Variants in POM121C observed in about 807,000 individuals in gnomAD.
POM121C encodes POM121 transmembrane nucleoporin C.
In POM121C, 20 loss-of-function variants were observed where a neutral mutation model predicts 66.4. The observed-to-expected ratio is 0.30, with a 90% confidence interval of 0.21 to 0.44. The LOEUF is 0.44. POM121C is among the 20% of genes least tolerant of loss of function. The pLI is 1.00. For synonymous variants in POM121C, 286 were observed against 528.0 expected, an observed-to-expected ratio of 0.54 and a Z score of 6.28; for missense variants, 580 against 1,225.7, an observed-to-expected ratio of 0.47 and a Z score of 7.87.
At chr7:75,455,012 T>C (rs1158898286) in intron 3 of POM121C, among the ~76,000 whole-genome samples, 2 of 152,208 alleles carry the variant, frequency 1.3e-5, no homozygotes, top group African/African-American at 4.8e-5. Flanking sequence ...TTCAAATAAA[T>C]GCTGTGTATC....
At chr7:75,472,822 A>AAGGGAGGG (rs1215997484) in intron 3 of POM121C, among the ~76,000 whole-genome samples, 1 of 147,122 alleles carries the variant, frequency 6.8e-6, no homozygotes, top group East Asian at 2.0e-4. Flanking sequence ...GGAAGGAAGG[A>AAGGGAGGG]AGGGAGGGAG....
At chr7:75,477,580 T>A (rs1259575098) in intron 1 of POM121C, among the ~76,000 whole-genome samples, 2 of 151,926 alleles carry the variant, frequency 1.3e-5, no homozygotes, top group African/African-American at 4.8e-5. Flanking sequence ...ACAGTTCATA[T>A]GAGGTGGAAG....
Position 75,474,862 on chromosome 7 carries a change from A to T in POM121C, c.-310T>A. 2 of 1,240,748 alleles carry T rather than the reference A, an allele frequency of 1.6e-6. No homozygotes were observed. Among genetic ancestry groups the T allele is most frequent in the Non-Finnish European group, 2.3e-6 (2 of 860,234 alleles). The allele number at this position is 1,240,748 out of a possible 1,614,324, so 76.9% of individuals were successfully genotyped here. The stretch of plus-strand genomic sequence containing the variant: ...CTCGGCTTCAGAATCTCCGAAGTAC[A>T]AGATGTTGCCACCTCATAAGCTGCA... On this transcript the variant is annotated 5_prime_UTR_variant, in exon 3 of 15. Transcript: ENST00000615331.
chr7:75,482,314 A>G (rs117130070), intron 1 of POM121C, among the ~76,000 whole-genome samples: 2,116 of 152,286 alleles, frequency 0.014, 23 homozygotes, highest in Middle Eastern at 0.051. Flanking sequence ...GGTGGCTTAC[A>G]CCTGTAATCC....
intron 3 of POM121C, among the ~76,000 whole-genome samples, chr7:75,465,226 C>A (rs1309725236): frequency 6.6e-6 from 1 of 151,912 alleles, no homozygotes; most frequent in East Asian, 2.0e-4. Context: ...AACTCCTGAC[C>A]TCAGGTGATC....
chr7:75,418,574 T>G lies in POM121C; in HGVS notation c.*222A>C. Reference sequence around the variant, plus strand: ...CCCAGTGGAACTGTTCAAGTAGAGGTCCCGGGCTTTGGCCCTCCGCATCCT... The same window carrying G: ...CCCAGTGGAACTGTTCAAGTAGAGGGCCCGGGCTTTGGCCCTCCGCATCCT... On this transcript the variant is annotated 3_prime_UTR_variant, in exon 15 of 15. Transcript: ENST00000615331. 1 of 1,351,060 alleles carries G rather than the reference T, an allele frequency of 7.4e-7. No homozygotes were observed. The highest frequency in any genetic ancestry group is 9.5e-7 in the Non-Finnish European group (1 of 1,048,052). The allele number at this position is 1,351,060 out of a possible 1,614,324, so 83.7% of individuals were successfully genotyped here.
rs1273557304 is a variant in POM121C, at chr7:75,421,844, AAGG to A, written c.2405_2407del (p.Ser802del). The A allele has an allele frequency of 9.3e-5, 149 of 1,610,556 alleles. No homozygotes were observed. Among genetic ancestry groups the A allele is most frequent in the Admixed American group, 5.2e-4 (31 of 59,874 alleles). On this transcript the variant is annotated inframe_deletion, in exon 13 of 15. Coordinates refer to ENST00000615331, the MANE Select transcript of POM121C (RefSeq NM_001099415.3). Reference sequence around the variant, plus strand: ...AAAGCCGGAGCTGGTGGCTGCACCGAAGGAGAAGACAGCAGTGGAGCCGCCAAA... The same window carrying A: ...AAAGCCGGAGCTGGTGGCTGCACCGAAGAAGACAGCAGTGGAGCCGCCAAA...
chr7:75,479,627 AT>A lies in POM121C; in HGVS notation c.-457-4440del, dbSNP rs1554479836. ...TGAGACTCTGTCTCTAAATAAATAA[AT>A]AAATAAATAAATAAATAAATAAATA... On this transcript the variant is annotated intron_variant, in intron 1 of 14. Coordinates refer to ENST00000615331, the MANE Select transcript of POM121C (RefSeq NM_001099415.3). Among the ~76,000 whole-genome samples, 10 of 146,536 alleles carry A rather than the reference AT, an allele frequency of 6.8e-5. No homozygotes were observed. The East Asian group carries it at 2.0e-3, about 29-fold the overall frequency.
chr7:75,443,497 T>G (rs587713699), intron 3 of POM121C, among the ~76,000 whole-genome samples: 41 of 151,902 alleles, frequency 2.7e-4, no homozygotes, highest in African/African-American at 9.7e-4. Context: ...CCTCAGACAT[T>G]CATTCATTGA....
At chr7:75,435,343 C>T (rs1584665406) in intron 7 of POM121C, among the ~76,000 whole-genome samples, 3 of 152,106 alleles carry the variant, frequency 2.0e-5, no homozygotes, top group Admixed American at 2.0e-4. Context: ...TTCAGATACA[C>T]TGATACGCAT....
intron 10 of POM121C, 160 bp downstream of exon 10, chr7:75,424,914 C>A (rs147425716): frequency 6.9e-7 from 1 of 1,451,866 alleles, no homozygotes; most frequent in Non-Finnish European, 9.1e-7. Context: ...TAGCCAAAAT[C>A]GAGCCACTGA....
At chr7:75,443,046 C>T (rs1309350915) in intron 3 of POM121C, among the ~76,000 whole-genome samples, 1 of 152,136 alleles carries the variant, frequency 6.6e-6, no homozygotes, top group Non-Finnish European at 1.5e-5. Flanking sequence ...GTGATCTTTT[C>T]TAGGGGCTGA....
chr7:75,439,588 G>A (rs1288798351), intron 5 of POM121C, among the ~76,000 whole-genome samples: 1 of 152,148 alleles, frequency 6.6e-6, no homozygotes, highest in African/African-American at 2.4e-5. Context: ...GGCTCCCTAT[G>A]TTGCCCAGGC....
chr7:75,481,705 A>G (rs1554480144), intron 1 of POM121C, among the ~76,000 whole-genome samples: 2 of 151,966 alleles, frequency 1.3e-5, no homozygotes, highest in Non-Finnish European at 2.9e-5. Context: ...ATATGACTAT[A>G]CTCCCAGCTA....
At position 75,477,811 on chromosome 7, in the gene POM121C, T is replaced by G. The variant is rs369799761; in HGVS notation, c.-457-2623A>C. Among the ~76,000 whole-genome samples the G allele has an allele frequency of 4.0e-5, 6 of 151,594 alleles. No individual in the cohort carries two copies. The East Asian group carries it at 1.2e-3, about 29-fold the overall frequency. On this transcript the variant is annotated intron_variant, in intron 1 of 14. Transcript: ENST00000615331. ...TAGAAAAAACATATAGACAGAGACA[T>G]GAGGACTTCTGCCCTCAGGTGTGAT... is the stretch of plus-strand genomic sequence containing the variant.
rs375806628 is a variant in POM121C at position 75,424,226 on chromosome 7, C to T, written c.872-1G>A. 30 of 1,611,782 alleles carry T rather than the reference C, an allele frequency of 1.9e-5. No homozygotes were observed. The highest frequency in any genetic ancestry group is 2.5e-5 in the Non-Finnish European group (29 of 1,179,848). ...TCAGTGACAGAGTTCGAGGCAGCAT[C>T]TAAGAAAGAAAGAAAGGTGAAGCAG... On this transcript the variant is annotated splice_acceptor_variant, in intron 11 of 14. Coordinates refer to ENST00000615331, the MANE Select transcript of POM121C (RefSeq NM_001099415.3). LOFTEE classifies it high-confidence loss of function.
chr7:75,443,377 G>A (rs1584677960), intron 3 of POM121C, among the ~76,000 whole-genome samples: 1 of 152,172 alleles, frequency 6.6e-6, no homozygotes, highest in African/African-American at 2.4e-5. Context: ...AAATTAGATT[G>A]TGTTGGCGGT....
chr7:75,450,498 C>T (rs1790986274), intron 3 of POM121C, among the ~76,000 whole-genome samples: 1 of 152,094 alleles, frequency 6.6e-6, no homozygotes, highest in African/African-American at 2.4e-5. Flanking sequence ...GGCCTGATCA[C>T]GAGGGTCAGT....
In POM121C at chr7:75,421,913, G is replaced by A. The variant is rs1404911589; in HGVS notation, c.2339C>T (p.Thr780Met). The A allele has an allele frequency of 2.2e-5, 35 of 1,613,204 alleles. No homozygotes were observed. Among genetic ancestry groups the A allele is most frequent in the Non-Finnish European group, 2.2e-5 (26 of 1,179,738 alleles). ...GGCGGGAGCGCCGAAGGCGGAAGCC[G>A]TGGCTTTCAATCCAAACGCCGAGTG... The part of the protein sequence containing the change: ...ATHSAFGLKA[T>M]ASAFGAPASS... Residue 780 changes from threonine (T) to methionine (M), a missense_variant, in exon 13 of 15, where the codon ACG becomes ATG. Physicochemically the swap from Thr to Met is moderately conservative, Grantham distance 81. Coordinates refer to ENST00000615331, the MANE Select transcript of POM121C (RefSeq NM_001099415.3).
Sources: allele counts gnomAD v4.1 joint callset (sites outside exome capture counted in the v4.1 genomes callset), GRCh38; gene constraint gnomAD v4.1.1; transcripts MANE v1.5; gene names NCBI Gene and HGNC (gene_info 2026-07-23, HGNC 2026-07-21).